TRIM44: variants seen among roughly 807,000 people sequenced by gnomAD.
TRIM44 encodes tripartite motif-containing protein 44.
TRIM44 carries 13 observed loss-of-function variants against 37.4 expected under a neutral mutation model. The ratio of observed to expected loss-of-function variants is 0.35; its 90% CI spans 0.23 to 0.55. The LOEUF (loss-of-function observed/expected upper bound fraction) is 0.55. Ranked by LOEUF, TRIM44 falls within the 20% of genes least tolerant of loss-of-function variation. The pLI, the probability that TRIM44 is intolerant of heterozygous loss-of-function variation, is 0.89. For missense variants in TRIM44, 426 were observed against 437.2 expected, an observed-to-expected ratio of 0.97 and a Z score of 0.23; for synonymous variants, 175 against 157.2, an observed-to-expected ratio of 1.11 and a Z score of -0.85.
At chr11:35,669,200 A>G (rs1167711600) in intron 1 of TRIM44, among the ~76,000 whole-genome samples, 1 of 152,190 alleles carries the variant, frequency 6.6e-6, no homozygotes, top group Non-Finnish European at 1.5e-5. Flanking sequence ...TGATTCTGCT[A>G]AGGCCTGAGA....
chr11:35,704,410 A>G (rs1590523851), intron 2 of TRIM44, among the ~76,000 whole-genome samples: 1 of 152,202 alleles, frequency 6.6e-6, no homozygotes, highest in Admixed American at 6.5e-5. Flanking sequence ...AATACAGGGA[A>G]CGCCACAAAG....
rs752172911 is a variant in TRIM44 at position 35,811,706 on chromosome 11, A to G, written c.*5321A>G. The G allele has an allele frequency of 4.6e-5, 7 of 152,218 alleles. No homozygotes were observed. The highest frequency in any genetic ancestry group is 8.8e-5 in the Non-Finnish European group (6 of 68,042). 9.4% of individuals were successfully genotyped at this position (152,218 alleles called of 1,614,324 possible). ...GCCCTGCCTAAATGCATTAAAATTT[A>G]ATGTTTAAAAATCCTAAAACCCACC... On this transcript the variant is annotated 3_prime_UTR_variant, in exon 5 of 5. Coordinates refer to ENST00000299413, the MANE Select transcript of TRIM44 (RefSeq NM_017583.6).
intron 1 of TRIM44, among the ~76,000 whole-genome samples, chr11:35,665,897 T>C (rs1299700649): frequency 6.6e-6 from 1 of 151,688 alleles, no homozygotes; most frequent in Admixed American, 6.6e-5. Flanking sequence ...TATATATTTG[T>C]TTCTGATTTT....
chr11:35,704,186 G>A (rs58389286), intron 2 of TRIM44, among the ~76,000 whole-genome samples: 22 of 152,252 alleles, frequency 1.4e-4, no homozygotes, highest in Non-Finnish European at 2.4e-4. Context: ...TGAAGGAAAT[G>A]AAGCAAGAAG....
At chr11:35,742,436 T>C (rs920186257) in intron 4 of TRIM44, among the ~76,000 whole-genome samples, 9 of 139,274 alleles carry the variant, frequency 6.5e-5, no homozygotes, top group African/African-American at 2.4e-4. Context: ...ATATTAATAT[T>C]ATATTAAATA....
At chr11:35,774,510 T>C (rs1420740475) in intron 4 of TRIM44, among the ~76,000 whole-genome samples, 1 of 152,234 alleles carries the variant, frequency 6.6e-6, no homozygotes, top group Non-Finnish European at 1.5e-5. Flanking sequence ...TTGTTGCCAT[T>C]GCTTTTGGTG....
At chr11:35,777,444 C>T (rs1852986184) in intron 4 of TRIM44, among the ~76,000 whole-genome samples, 2 of 152,100 alleles carry the variant, frequency 1.3e-5, no homozygotes, top group South Asian at 4.2e-4. Flanking sequence ...GAACATTTAG[C>T]CCATTTACAT....
At chr11:35,732,014 C>G (rs1852267308) in intron 3 of TRIM44, among the ~76,000 whole-genome samples, 2 of 152,142 alleles carry the variant, frequency 1.3e-5, no homozygotes, top group South Asian at 4.1e-4. Context: ...TCAAAGCAAG[C>G]TGAATGCAGA....
chr11:35,706,053 GAC>G (rs1313242249), intron 2 of TRIM44, among the ~76,000 whole-genome samples: 1 of 148,456 alleles, frequency 6.7e-6, no homozygotes, highest in Non-Finnish European at 1.5e-5. Flanking sequence ...GAATCAAATA[GAC>G]ACAATAAAAA....
chr11:35,759,935 C>A (rs181650604), intron 4 of TRIM44, among the ~76,000 whole-genome samples: 2 of 152,216 alleles, frequency 1.3e-5, no homozygotes, highest in Non-Finnish European at 2.9e-5. Flanking sequence ...TTAGGCTACT[C>A]GGGGTTCAGG....
At chr11:35,731,691 G>A (rs1224207916) in intron 3 of TRIM44, among the ~76,000 whole-genome samples, 1 of 151,962 alleles carries the variant, frequency 6.6e-6, no homozygotes, top group East Asian at 1.9e-4. Flanking sequence ...AAAAATTGGT[G>A]TGTCTTTATT....
In TRIM44 at chr11:35,712,377, A is replaced by G. The variant is rs1851986140; in HGVS notation, c.748-13547A>G. On this transcript the variant is annotated intron_variant, in intron 2 of 4. Coordinates refer to ENST00000299413, the MANE Select transcript of TRIM44 (RefSeq NM_017583.6). ...TTATTTAAGAAACACATTAGGAAAT[A>G]TATTCCCACTTTAAAGTAAACGCTA... Among the ~76,000 whole-genome samples, 3 of 152,284 alleles carry G rather than the reference A, an allele frequency of 2.0e-5. No individual in the cohort carries two copies. The South Asian group carries it at 6.2e-4, about 32-fold the overall frequency.
rs1049670568 is a variant in TRIM44 at position 35,720,001 on chromosome 11, A to T, written c.748-5923A>T. 6.6e-5 allele frequency among the ~76,000 whole-genome samples: 10 copies of T among 152,234 alleles called. No individual in the cohort carries two copies. The East Asian group carries it at 1.9e-3, about 29-fold the overall frequency. ...AGTTCTTCGGCTTTGTTCTTCTTCAATATTGGGTTGACTGTTCTAGGTCTT... is the reference window on the plus strand; with the variant it reads ...AGTTCTTCGGCTTTGTTCTTCTTCATTATTGGGTTGACTGTTCTAGGTCTT... On this transcript the variant is annotated intron_variant, in intron 2 of 4. Coordinates refer to ENST00000299413, the MANE Select transcript of TRIM44 (RefSeq NM_017583.6).
At chr11:35,767,183 G>C (rs1338925249) in intron 4 of TRIM44, among the ~76,000 whole-genome samples, 1 of 152,092 alleles carries the variant, frequency 6.6e-6, no homozygotes, top group African/African-American at 2.4e-5. Flanking sequence ...GCATGATAGA[G>C]GACCTTTCAT....
intron 1 of TRIM44, among the ~76,000 whole-genome samples, chr11:35,673,868 A>G (rs544470894): frequency 6.6e-6 from 1 of 151,970 alleles, no homozygotes; most frequent in South Asian, 2.1e-4. Context: ...CTGCCTGTTC[A>G]TTGACATACC....
rs146614174 is a variant in TRIM44 at position 35,714,795 on chromosome 11, G to A, written c.748-11129G>A. Among the ~76,000 whole-genome samples, 306 of 152,182 alleles carry A rather than the reference G, an allele frequency of 2.0e-3. 1 individual carries two copies. The Middle Eastern group carries it at 0.024, about 12-fold the overall frequency. ...CACTTTCCACCTCCCACTTCTACAC[G>A]ATAGTTCCCGAAGCAGAAGTTGTCT... On this transcript the variant is annotated intron_variant, in intron 2 of 4. Coordinates refer to ENST00000299413, the MANE Select transcript of TRIM44 (RefSeq NM_017583.6).
At chr11:35,787,990 T>A (rs970559494) in intron 4 of TRIM44, among the ~76,000 whole-genome samples, 3 of 152,232 alleles carry the variant, frequency 2.0e-5, no homozygotes, top group Non-Finnish European at 2.9e-5. Flanking sequence ...GATGCCAGCC[T>A]ATGGCAGTTG....
chr11:35,768,280 T>G (rs1852823084), intron 4 of TRIM44, among the ~76,000 whole-genome samples: 1 of 152,220 alleles, frequency 6.6e-6, no homozygotes, highest in South Asian at 2.1e-4. Context: ...CATACTTAAT[T>G]TAATTTACTG....
intron 1 of TRIM44, among the ~76,000 whole-genome samples, chr11:35,669,742 G>A (rs890542218): frequency 6.6e-6 from 1 of 152,116 alleles, no homozygotes; most frequent in Non-Finnish European, 1.5e-5. Flanking sequence ...GCCTCCCAAA[G>A]TGCTGGGATT....
Sources: gnomAD v4.1 joint callset for allele counts (sites outside exome capture counted in the v4.1 genomes callset) on GRCh38, gnomAD v4.1.1 for gene constraint, MANE v1.5 for transcripts, NCBI Gene and HGNC (gene_info 2026-07-23, HGNC 2026-07-21) for gene names.